The following CNKSR3 variants were observed in gnomAD, a reference collection of about 807,000 sequenced individuals.
CNKSR3 encodes connector enhancer of kinase suppressor of ras 3.
A neutral mutation model predicts 67.7 loss-of-function variants in CNKSR3; 36 were observed. The ratio of observed to expected loss-of-function variants is 0.53; its 90% confidence interval spans 0.41 to 0.70. The LOEUF is 0.70. Ranked by LOEUF, CNKSR3 falls within the 30% of genes least tolerant of loss-of-function variation. CNKSR3 has a pLI of 0.00. For missense variants in CNKSR3, 630 were observed against 695.2 expected (o/e 0.91, Z 1.05); for synonymous variants, 281 against 271.4 (o/e 1.04, Z -0.35).
rs543495026 is a variant in CNKSR3, at chr6:154,497,482, G to T, written c.52+12581C>A. Among the ~76,000 whole-genome samples, 16 of 152,232 alleles carry T rather than the reference G, an allele frequency of 1.1e-4. 1 individual carries two copies. Among genetic ancestry groups the T allele is most frequent in the African/African-American group, 3.6e-4 (15 of 41,528 alleles). On this transcript the variant is annotated intron_variant, in intron 1 of 12. Coordinates refer to ENST00000607772, the MANE Select transcript of CNKSR3 (RefSeq NM_173515.4). The stretch of plus-strand genomic sequence containing the variant: ...TACTAAATTGCCAGCTTCCGGACAC[G>T]GATTTCATTTACACCTAACTCACCT...
At chr6:154,407,075 G>A (rs896365493) in intron 12 of CNKSR3, among the ~76,000 whole-genome samples, 2 of 152,240 alleles carry the variant, frequency 1.3e-5, no homozygotes, top group Admixed American at 6.5e-5. Flanking sequence ...TCTCCTCCCT[G>A]GATTGGCCAC....
At chr6:154,475,445 A>C (rs1485976954) in intron 1 of CNKSR3, among the ~76,000 whole-genome samples, 3 of 151,954 alleles carry the variant, frequency 2.0e-5, no homozygotes, top group Non-Finnish European at 4.4e-5. Context: ...GGAAATGGTC[A>C]CCTCCTCCAT....
At position 154,410,358 on chromosome 6, in the gene CNKSR3, C is replaced by T. The variant is rs754818245; in HGVS notation, c.1354G>A (p.Gly452Ser). Reference sequence around the variant, plus strand: ...TGAAACGTACCTTTCCTGCCATGACCTCGAGGTCTGGCAAAAGGGTCCACA... The same window carrying T: ...TGAAACGTACCTTTCCTGCCATGACTTCGAGGTCTGGCAAAAGGGTCCACA... The part of the protein sequence containing the change: ...GIVDPFARPR[G>S]HGRKGEDALC... Residue 452 changes from glycine to serine, a missense_variant, in exon 12 of 13, where the codon GGT becomes AGT. This residue lies in a region of CNKSR3 where 308 missense variants were observed against 299.6 expected (regional missense o/e 1.03). Transcript: ENST00000607772. 1.2e-6 allele frequency: 2 copies of T among 1,613,882 alleles called. No individual in the cohort carries two copies. The highest frequency in any genetic ancestry group is 1.7e-6 in the Non-Finnish European group (2 of 1,179,818).
intron 1 of CNKSR3, among the ~76,000 whole-genome samples, chr6:154,458,237 C>A (rs1308754881): frequency 6.6e-6 from 1 of 152,096 alleles, no homozygotes; most frequent in Non-Finnish European, 1.5e-5. Flanking sequence ...CCTCTGCCGA[C>A]CAGAAAAATA....
rs1784755383 is a variant in CNKSR3 at position 154,404,798 on chromosome 6, C to T, written c.*1556G>A. The T allele has an allele frequency of 6.6e-6, 1 of 152,404 alleles. No individual in the cohort carries two copies. The allele number at this position is 152,404 out of a possible 1,614,324, so 9.4% of individuals were successfully genotyped here. ...AGTGAGCTGAGATTGCGCCACTGCA[C>T]TCCAGCCTGGGTGACAGATTGAGAC... On this transcript the variant is annotated 3_prime_UTR_variant, in exon 13 of 13. Coordinates refer to ENST00000607772, the MANE Select transcript of CNKSR3 (RefSeq NM_173515.4).
At chr6:154,448,485 G>A (rs1444716487) in intron 2 of CNKSR3, among the ~76,000 whole-genome samples, 4 of 147,210 alleles carry the variant, frequency 2.7e-5, no homozygotes, top group Non-Finnish European at 5.9e-5. Context: ...AGGATGCTTA[G>A]ATGTCTGGGC....
At chr6:154,475,607 C>T (rs956974344) in intron 1 of CNKSR3, among the ~76,000 whole-genome samples, 7 of 152,218 alleles carry the variant, frequency 4.6e-5, no homozygotes, top group African/African-American at 1.7e-4. Flanking sequence ...TCCCTCTCAG[C>T]TCCATCCAAG....
At chr6:154,430,432 TA>T in intron 6 of CNKSR3, 39 bp downstream of exon 6, 1 of 1,563,110 alleles carries the variant, frequency 6.4e-7, no homozygotes, top group African/African-American at 1.4e-5. Context: ...AATGATGATG[TA>T]TGTTATCTGA....
In CNKSR3 at chr6:154,404,523, G is replaced by GA. The variant is rs1041541923; in HGVS notation, c.*1830dup. 6 of 152,248 alleles carry GA rather than the reference G, an allele frequency of 3.9e-5. No individual in the cohort carries two copies. Among genetic ancestry groups the GA allele is most frequent in the Admixed American group, 2.6e-4 (4 of 15,276 alleles). The allele number at this position is 152,248 out of a possible 1,614,324, so 9.4% of individuals were successfully genotyped here. On this transcript the variant is annotated 3_prime_UTR_variant, in exon 13 of 13. Transcript: ENST00000607772. ...CCAGATCTTCATGGCAGTTGTCTTA[G>GA]AGGTAGAGAAGAAAACAGCCAGACT...
chr6:154,470,183 CTTTCCTTTT>C (rs533371632), intron 1 of CNKSR3, among the ~76,000 whole-genome samples: 12,448 of 107,730 alleles, frequency 0.12, 1,172 homozygotes, highest in African/African-American at 0.19. Context: ...AACCTACTTT[CTTTCCTTTT>C]TTTTTTTTTT....
chr6:154,430,699 G>T, intron 5 of CNKSR3, 108 bp from the exon 6 acceptor site: 4 of 1,107,588 alleles, frequency 3.6e-6, no homozygotes, highest in South Asian at 3.1e-5. Flanking sequence ...GTTCTGGTTG[G>T]CAATCATTTT....
Position 154,394,215 on chromosome 6 carries a change from A to C in CNKSR3, c.*12139T>G, listed in dbSNP as rs1450116128. The C allele has an allele frequency of 1.3e-5, 2 of 152,228 alleles. No homozygotes were observed. Among genetic ancestry groups the C allele is most frequent in the Admixed American group, 6.5e-5 (1 of 15,276 alleles). 9.4% of individuals were successfully genotyped at this position (152,228 alleles called of 1,614,324 possible). A position where few individuals can be genotyped will look rare whatever the true frequency, so the allele number is the denominator to read the frequency against. On this transcript the variant is annotated 3_prime_UTR_variant, in exon 13 of 13. Coordinates refer to ENST00000607772, the MANE Select transcript of CNKSR3 (RefSeq NM_173515.4). ...TTTTTTTGAAAGATAGGGTCTCACT[A>C]TGGTGCCCAGCTGGTCTTGAACTTC...
chr6:154,452,887 G>A (rs190909209), intron 1 of CNKSR3, among the ~76,000 whole-genome samples: 22 of 152,322 alleles, frequency 1.4e-4, no homozygotes, highest in Non-Finnish European at 2.9e-4. Flanking sequence ...CTGACACCTC[G>A]ATCTCAGACT....
In CNKSR3 at chr6:154,450,261, G is replaced by GCCAAAAACA. The variant is rs1562338353; in HGVS notation, c.53-12_53-4dup. On this transcript the variant is annotated splice_polypyrimidine_tract_variant and splice_region_variant and intron_variant, in intron 1 of 12. Coordinates refer to ENST00000607772, the MANE Select transcript of CNKSR3 (RefSeq NM_173515.4). ...TTGTTGCAGGCAGTCATCCAACCCT[G>GCCAAAAACA]CCAAAAACAATCAGAAGTCCCATTA... 1 of 1,612,256 alleles carries GCCAAAAACA rather than the reference G, an allele frequency of 6.2e-7. No homozygotes were observed. Among genetic ancestry groups the GCCAAAAACA allele is most frequent in the South Asian group, 1.1e-5 (1 of 90,826 alleles).
At chr6:154,445,324 T>C (rs1021114579) in intron 2 of CNKSR3, among the ~76,000 whole-genome samples, 2 of 152,172 alleles carry the variant, frequency 1.3e-5, no homozygotes, top group African/African-American at 4.8e-5. Flanking sequence ...GACTAAAATA[T>C]AATAATATTG....
intron 7 of CNKSR3, among the ~76,000 whole-genome samples, chr6:154,424,230 C>CAAAAA (rs56218677): frequency 5.5e-5 from 4 of 72,536 alleles, no homozygotes; most frequent in Non-Finnish European, 6.1e-5. Flanking sequence ...GACTCCGTCT[C>CAAAAA]AAAAAAAAAA....
intron 1 of CNKSR3, among the ~76,000 whole-genome samples, chr6:154,480,742 A>G (rs568431917): frequency 9.2e-5 from 14 of 152,296 alleles, no homozygotes; most frequent in Admixed American, 2.6e-4. Context: ...TTATAATCCC[A>G]TAAAGCCCAG....
intron 4 of CNKSR3, among the ~76,000 whole-genome samples, chr6:154,439,130 C>T (rs9371342): frequency 0.19 from 29,172 of 151,976 alleles, 5,603 homozygotes; most frequent in African/African-American, 0.5. Flanking sequence ...ACTGTACTCC[C>T]CTCACTCCTT....
rs1784584155 is a variant in CNKSR3 at position 154,389,528 on chromosome 6, C to T, written c.*16826G>A. On this transcript the variant is annotated 3_prime_UTR_variant, in exon 13 of 13. Coordinates refer to ENST00000607772, the MANE Select transcript of CNKSR3 (RefSeq NM_173515.4). ...CATTCTGAAATCAAGCAATGTGATG[C>T]CTCTATCTTTGTTCTTCTTTCTCAA... 6.6e-6 allele frequency: 1 copy of T among 152,122 alleles called. No homozygotes were observed. The highest frequency in any genetic ancestry group is 1.5e-5 in the Non-Finnish European group (1 of 68,020). 9.4% of individuals were successfully genotyped at this position (152,122 alleles called of 1,614,324 possible). A position where few individuals can be genotyped will look rare whatever the true frequency, so the allele number is the denominator to read the frequency against.
Sources: allele counts gnomAD v4.1 joint callset (sites outside exome capture counted in the v4.1 genomes callset), GRCh38; gene constraint gnomAD v4.1.1; regional missense constraint gnomAD v4.1.1; transcripts MANE v1.5; gene names NCBI Gene and HGNC (gene_info 2026-07-23, HGNC 2026-07-21).